The following RBMS3 variants were observed in gnomAD, a reference collection of about 807,000 sequenced individuals.
RBMS3 encodes the protein RNA binding motif single stranded interacting protein 3, also known as RNA-binding motif, single-stranded-interacting protein 3.
A neutral mutation model predicts 66.8 loss-of-function variants in RBMS3; 27 were observed. The observed-to-expected ratio is 0.40, with a 90% CI of 0.30 to 0.56. RBMS3 has a LOEUF of 0.56. Ranked by LOEUF, RBMS3 falls within the 20% of genes least tolerant of loss-of-function variation. The pLI, the probability that RBMS3 is intolerant of heterozygous loss-of-function variation, is 0.40. For missense variants in RBMS3, 513 were observed against 549.5 expected, an observed-to-expected ratio of 0.93 and a Z score of 0.66; for synonymous variants, 188 against 183.0, an observed-to-expected ratio of 1.03 and a Z score of -0.22.
chr3:29,671,293 C>A (rs1270345540), intron 4 of RBMS3, among the ~76,000 whole-genome samples: 1 of 152,172 alleles, frequency 6.6e-6, no homozygotes, highest in Non-Finnish European at 1.5e-5. Flanking sequence ...TCATCAAAGA[C>A]CAAAGGTAGC....
intron 6 of RBMS3, among the ~76,000 whole-genome samples, chr3:29,839,484 C>G (rs1309264727): frequency 2.0e-5 from 3 of 151,790 alleles, no homozygotes; most frequent in East Asian, 1.9e-4. Context: ...ATGTTAAACT[C>G]TTAAGAAGTT....
rs538103965 is a variant in RBMS3 at position 29,486,938 on chromosome 3, T to A, written c.249-1503T>A. 3.9e-5 allele frequency among the ~76,000 whole-genome samples: 6 copies of A among 152,142 alleles called. 1 individual carries two copies. In the South Asian group the frequency reaches 1.0e-3, roughly 26 times the overall value. On this transcript the variant is annotated intron_variant, in intron 2 of 14. Transcript: ENST00000383767. The stretch of plus-strand genomic sequence containing the variant: ...ATCTAATTTTTCTTTCTTTTTCTGA[T>A]TTTTACTTCTCACATATTGTATTAA...
chr3:29,502,065 T>C (rs775923939), intron 3 of RBMS3, among the ~76,000 whole-genome samples: 3 of 152,150 alleles, frequency 2.0e-5, no homozygotes, highest in Non-Finnish European at 2.9e-5. Context: ...TTTGTTTGGC[T>C]ACAATACTGT....
intron 2 of RBMS3, among the ~76,000 whole-genome samples, chr3:29,486,201 A>C (rs1186292126): frequency 6.6e-6 from 1 of 152,174 alleles, no homozygotes; most frequent in Non-Finnish European, 1.5e-5. Flanking sequence ...CCAGTCATGC[A>C]GAAAGTACCT....
intron 10 of RBMS3, among the ~76,000 whole-genome samples, chr3:29,906,185 T>C (rs1440780613): frequency 6.6e-6 from 1 of 152,096 alleles, no homozygotes; most frequent in Admixed American, 6.6e-5. Flanking sequence ...GGCATCTTAG[T>C]ATTTTTGTTA....
intron 1 of RBMS3, among the ~76,000 whole-genome samples, chr3:29,283,745 A>G (rs796172697): frequency 9.2e-5 from 14 of 152,196 alleles, no homozygotes; most frequent in African/African-American, 3.4e-4. Flanking sequence ...TATTTTGCCT[A>G]TCATGGTAGT....
At chr3:29,338,039 C>G (rs1431135050) in intron 1 of RBMS3, among the ~76,000 whole-genome samples, 1 of 152,086 alleles carries the variant, frequency 6.6e-6, no homozygotes, top group East Asian at 1.9e-4. Context: ...TGAGGCTCAA[C>G]AGTATCAAGT....
intron 4 of RBMS3, among the ~76,000 whole-genome samples, chr3:29,626,548 C>G (rs908236839): frequency 6.6e-6 from 1 of 152,068 alleles, no homozygotes; most frequent in African/African-American, 2.4e-5. Flanking sequence ...TCCAGAATGA[C>G]CTGCAAGAAA....
intron 3 of RBMS3, among the ~76,000 whole-genome samples, chr3:29,529,407 A>AC (rs1278693709): frequency 3.3e-5 from 5 of 152,220 alleles, no homozygotes; most frequent in Non-Finnish European, 7.3e-5. Flanking sequence ...AGGAAAAAAA[A>AC]CAGATGAGCA....
intron 6 of RBMS3, among the ~76,000 whole-genome samples, chr3:29,804,672 C>A (rs926537081): frequency 6.6e-6 from 1 of 151,940 alleles, no homozygotes; most frequent in African/African-American, 2.4e-5. Context: ...TTTCTGGAAA[C>A]CAGAAATAGG....
chr3:29,281,441 G>A lies in RBMS3; in HGVS notation c.-241G>A. ...CAGGCAAGATCTGGGAAGGCTGTGT[G>A]TGGGTGTTTTTTCTACAGATCTCAC... On this transcript the variant is annotated 5_prime_UTR_variant, in exon 1 of 15. The change creates a new upstream start codon in the 5' untranslated region. Transcript: ENST00000383767. 1.9e-6 allele frequency: 1 copy of A among 536,384 alleles called. No homozygotes were observed. The highest frequency in any genetic ancestry group is 3.3e-6 in the Non-Finnish European group (1 of 307,296). The allele number at this position is 536,384 out of a possible 1,614,324, so 33.2% of individuals were successfully genotyped here. A position where few individuals can be genotyped will look rare whatever the true frequency, so the allele number is the denominator to read the frequency against.
intron 3 of RBMS3, among the ~76,000 whole-genome samples, chr3:29,561,480 TCTCA>T (rs1219639871): frequency 6.6e-6 from 1 of 151,958 alleles, no homozygotes; most frequent in Non-Finnish European, 1.5e-5. Flanking sequence ...TGAGACGGAG[TCTCA>T]CTCTGTTGCC....
At chr3:29,593,012 A>T (rs2047807769) in intron 4 of RBMS3, among the ~76,000 whole-genome samples, 1 of 78,990 alleles carries the variant, frequency 1.3e-5, no homozygotes, top group African/African-American at 5.4e-5. Context: ...CTGTCATGGG[A>T]TTGGGGGAGG....
At chr3:29,747,425 GATA>G in intron 5 of RBMS3, among the ~76,000 whole-genome samples, 1 of 151,528 alleles carries the variant, frequency 6.6e-6, no homozygotes, top group South Asian at 2.1e-4. Flanking sequence ...TAGATAGATA[GATA>G]GATAGATAGA....
At chr3:29,970,806 C>T (rs1332248245) in intron 12 of RBMS3, among the ~76,000 whole-genome samples, 3 of 152,162 alleles carry the variant, frequency 2.0e-5, no homozygotes, top group Non-Finnish European at 4.4e-5. Flanking sequence ...CTCAGAGTCA[C>T]ATTAATGAAG....
At chr3:29,483,141 T>A (rs1267195040) in intron 2 of RBMS3, among the ~76,000 whole-genome samples, 1 of 149,316 alleles carries the variant, frequency 6.7e-6, no homozygotes, top group South Asian at 2.1e-4. Context: ...CTGTCTCTAC[T>A]AAAAAAAATA....
At chr3:29,650,146 T>C (rs72846040) in intron 4 of RBMS3, among the ~76,000 whole-genome samples, 1 of 152,182 alleles carries the variant, frequency 6.6e-6, no homozygotes, top group Non-Finnish European at 1.5e-5. Flanking sequence ...AAGGATTGTC[T>C]GAGATATTTT....
chr3:29,362,022 T>C (rs368656075), intron 1 of RBMS3, among the ~76,000 whole-genome samples: 1 of 152,222 alleles, frequency 6.6e-6, no homozygotes, highest in Non-Finnish European at 1.5e-5. Flanking sequence ...AGAAGTTTGA[T>C]TGTCTGAAGC....
At chr3:29,801,178 C>A (rs9841853) in intron 6 of RBMS3, among the ~76,000 whole-genome samples, 84,707 of 151,394 alleles carry the variant, frequency 0.56, 24,159 homozygotes, top group Non-Finnish European at 0.61. Flanking sequence ...CTTATGTTGA[C>A]ACAGCAATGG....
Sources: gnomAD v4.1 joint callset for allele counts (sites outside exome capture counted in the v4.1 genomes callset) on GRCh38, gnomAD v4.1.1 for gene constraint, MANE v1.5 for transcripts, NCBI Gene and HGNC (gene_info 2026-07-23, HGNC 2026-07-21) for gene names.